The following ZNF567 variants were observed in gnomAD, a reference collection of about 807,000 sequenced individuals.
ZNF567 encodes the protein zinc finger protein 567.
In ZNF567, 36 loss-of-function variants were observed where a neutral mutation model predicts 53.9. The observed-to-expected ratio is 0.67, with a 90% CI of 0.51 to 0.88. The LOEUF (loss-of-function observed/expected upper bound fraction) is 0.88, where lower values mean the gene tolerates loss of function less well. Among genes scored for constraint, ZNF567 ranks in the 40% least tolerant of loss-of-function variants. ZNF567 has a pLI of 0.00. For synonymous variants in ZNF567, 224 were observed against 260.4 expected (o/e 0.86, Z 1.35); for missense variants, 619 against 764.7 (o/e 0.81, Z 2.25).
At position 36,719,613 on chromosome 19, in the gene ZNF567, A is replaced by G; in HGVS notation, c.889A>G (p.Ile297Val). The change falls in exon 6 of 6, where the codon ATT becomes GTT. Residue 297 changes from isoleucine (I) to valine (V), a missense_variant. Ile to Val is a conservative substitution (Grantham distance 29). Coordinates refer to ENST00000682579, the MANE Select transcript of ZNF567 (RefSeq NM_001322917.1). ...GNAFRRKSYLIDHQRTHTGEK... is the reference protein window; with the variant it reads ...GNAFRRKSYLVDHQRTHTGEK... ...TGCATTTAGAAGGAAATCATATCTC[A>G]TTGATCATCAGAGAACTCACACAGG... 6.2e-7 allele frequency: 1 copy of G among 1,614,198 alleles called. No individual in the cohort carries two copies. Among genetic ancestry groups the G allele is most frequent in the Non-Finnish European group, 8.5e-7 (1 of 1,180,018 alleles).
chr19:36,715,472 A>C (rs1462833994), intron 5 of ZNF567, among the ~76,000 whole-genome samples: 2 of 131,944 alleles, frequency 1.5e-5, no homozygotes, highest in Non-Finnish European at 3.2e-5. Flanking sequence ...CCCATTATTT[A>C]ACTCAAAATA....
chr19:36,710,158 C>T (rs1426475026), intron 3 of ZNF567, among the ~76,000 whole-genome samples: 1 of 151,894 alleles, frequency 6.6e-6, no homozygotes, highest in Non-Finnish European at 1.5e-5. Flanking sequence ...AGATTACTTA[C>T]TTTCTCTTGA....
chr19:36,681,641 C>A, the ZNF567 span, among the ~76,000 whole-genome samples: 32 of 151,924 alleles, frequency 2.1e-4, no homozygotes, highest in African/African-American at 7.2e-4. Context: ...TGTTGCCCAG[C>A]CTGGTCTTGA....
upstream of ZNF567, chr19:36,687,509 C>T (rs1323895707): frequency 6.6e-6 from 1 of 152,330 alleles, no homozygotes; most frequent in Non-Finnish European, 1.5e-5. Flanking sequence ...AGTCCAAGGC[C>T]GGAAACGCCC....
chr19:36,720,576 G>A lies in ZNF567; in HGVS notation c.1852G>A (p.Val618Ile), dbSNP rs117311760. 2,709 of 1,613,134 alleles carry A rather than the reference G, an allele frequency of 1.7e-3. 98 individuals are homozygous for A. In the East Asian group the frequency reaches 0.045, roughly 27 times the overall value. ...QRTHTGEKPY[V>I]CNECGKSFSY... ...AACTCACACAGGTGAGAAACCCTAT[G>A]TTTGTAATGAGTGTGGTAAGTCTTT... The change falls in exon 6 of 6, where the codon GTT becomes ATT. Residue 618 changes from valine (V) to isoleucine (I), a missense_variant. Val to Ile is a conservative substitution (Grantham distance 29). Transcript: ENST00000682579.
the ZNF567 span, among the ~76,000 whole-genome samples, chr19:36,677,306 A>C: frequency 0.088 from 13,154 of 149,794 alleles, 758 homozygotes; most frequent in Non-Finnish European, 0.13. Context: ...AAAAATACAA[A>C]AAATTAGCCC....
downstream of ZNF567, among the ~76,000 whole-genome samples, chr19:36,724,004 C>CTTTT (rs536627641): frequency 1.1e-4 from 11 of 98,346 alleles, no homozygotes; most frequent in Admixed American, 2.3e-4. Context: ...TTCTGTATTT[C>CTTTT]TTTTTTTTTT....
chr19:36,708,577 T>A (rs1370708905), intron 3 of ZNF567, among the ~76,000 whole-genome samples: 1 of 152,202 alleles, frequency 6.6e-6, no homozygotes, highest in Non-Finnish European at 1.5e-5. Context: ...CATTATATTA[T>A]CTTACAAAAT....
chr19:36,696,383 C>CT (rs1326461406), intron 3 of ZNF567, among the ~76,000 whole-genome samples: 1 of 152,208 alleles, frequency 6.6e-6, no homozygotes, highest in Non-Finnish European at 1.5e-5. Context: ...TTCTAAACCT[C>CT]TGTCTTTTTT....
chr19:36,696,381 C>T (rs1054510284), intron 3 of ZNF567, among the ~76,000 whole-genome samples: 1 of 152,100 alleles, frequency 6.6e-6, no homozygotes, highest in African/African-American at 2.4e-5. Flanking sequence ...GATTCTAAAC[C>T]TCTGTCTTTT....
At chr19:36,710,396 G>C (rs536476354) in intron 3 of ZNF567, among the ~76,000 whole-genome samples, 1 of 123,774 alleles carries the variant, frequency 8.1e-6, no homozygotes, top group East Asian at 2.4e-4. Flanking sequence ...TTTTTGTTTT[G>C]TTTTGTTTGC....
the ZNF567 span, among the ~76,000 whole-genome samples, chr19:36,679,335 C>G: frequency 6.6e-6 from 1 of 152,114 alleles, no homozygotes; most frequent in Non-Finnish European, 1.5e-5. Flanking sequence ...TAGACACCTG[C>G]TATTACAAAC....
intron 3 of ZNF567, among the ~76,000 whole-genome samples, chr19:36,708,985 T>C (rs565466750): frequency 6.6e-6 from 1 of 152,346 alleles, no homozygotes; most frequent in Admixed American, 6.5e-5. Context: ...TTAGTTATGG[T>C]AAAAATATAT....
At chr19:36,694,435 A>C (rs1427769106) in intron 2 of ZNF567, among the ~76,000 whole-genome samples, 1 of 152,236 alleles carries the variant, frequency 6.6e-6, no homozygotes, top group African/African-American at 2.4e-5. Context: ...TTGTATCAGT[A>C]GTATTCCTCA....
In ZNF567 at chr19:36,719,570, A is replaced by G; in HGVS notation, c.846A>G (p.Gln282=). 1.2e-6 allele frequency: 2 copies of G among 1,614,158 alleles called. No individual in the cohort carries two copies. Among genetic ancestry groups the G allele is most frequent in the South Asian group, 1.1e-5 (1 of 91,078 alleles). ...TTCACTCAGAAGAAAAACCCTATCA[A>G]TGTCATCAATGTGGAAATGCATTTA... The part of the protein sequence containing the change: ...QGIHSEEKPY[Q]CHQCGNAFRR... Residue 282 remains glutamine (Q), a synonymous_variant, in exon 6 of 6, where the codon CAA becomes CAG. Transcript: ENST00000682579.
rs1600481300 is a variant in ZNF567 at position 36,687,645 on chromosome 19, T to A, written c.-168+11T>A. 1 of 152,128 alleles carries A rather than the reference T, an allele frequency of 6.6e-6. No homozygotes were observed. The highest frequency in any genetic ancestry group is 1.9e-4 in the East Asian group (1 of 5,158). The allele number at this position is 152,128 out of a possible 1,614,324, so 9.4% of individuals were successfully genotyped here. A position where few individuals can be genotyped will look rare whatever the true frequency, so the allele number is the denominator to read the frequency against. ...GGCCGGCAACCGAAGGTGAGGCTGG[T>A]GGGTCCCGCGGGCGCGGAGAAGGCG... is the stretch of plus-strand genomic sequence containing the variant. On this transcript the variant is annotated intron_variant, in intron 1 of 5. Transcript: ENST00000682579.
At chr19:36,713,355 G>A (rs951806342) in intron 5 of ZNF567, among the ~76,000 whole-genome samples, 2 of 152,016 alleles carry the variant, frequency 1.3e-5, no homozygotes, top group African/African-American at 4.8e-5. Context: ...TACTCAGGAA[G>A]CTAAGGTGGG....
intron 3 of ZNF567, among the ~76,000 whole-genome samples, chr19:36,708,222 T>C (rs947859659): frequency 1.6e-4 from 25 of 152,220 alleles, no homozygotes; most frequent in Admixed American, 1.2e-3. Flanking sequence ...ACCTCTGTCA[T>C]TTCTGGGTCT....
At chr19:36,716,886 C>T (rs998881430) in intron 5 of ZNF567, among the ~76,000 whole-genome samples, 3 of 152,064 alleles carry the variant, frequency 2.0e-5, no homozygotes, top group African/African-American at 7.2e-5. Flanking sequence ...AGTGCAGTGG[C>T]ACGATCTCAG....
Sources: allele counts gnomAD v4.1 joint callset (sites outside exome capture counted in the v4.1 genomes callset), GRCh38; gene constraint gnomAD v4.1.1; transcripts MANE v1.5; gene names NCBI Gene and HGNC (gene_info 2026-07-23, HGNC 2026-07-21).